UNC13B: variants seen among roughly 807,000 people sequenced by gnomAD.
UNC13B encodes unc-13 homolog B, also known as protein unc-13 homolog B.
In UNC13B, 144 loss-of-function variants were observed where a neutral mutation model predicts 211.0. The observed-to-expected ratio is 0.68, with a 90% CI of 0.60 to 0.78. The LOEUF (loss-of-function observed/expected upper bound fraction) is 0.78. Ranked by LOEUF, UNC13B falls within the 30% of genes least tolerant of loss-of-function variation. The pLI, the probability that UNC13B is intolerant of heterozygous loss-of-function variation, is 0.00. For missense variants in UNC13B, 1,777 were observed against 2,002.0 expected, an observed-to-expected ratio of 0.89 and a Z score of 2.14; for synonymous variants, 709 against 725.8, an observed-to-expected ratio of 0.98 and a Z score of 0.37.
intron 7 of UNC13B, among the ~76,000 whole-genome samples, chr9:35,275,923 A>G (rs1828150225): frequency 6.6e-6 from 1 of 152,160 alleles, no homozygotes; most frequent in Non-Finnish European, 1.5e-5. Flanking sequence ...TACTACAATA[A>G]AATGTCCACA....
rs568402376 is a variant in UNC13B at position 35,298,578 on chromosome 9, C to T, written c.762-1588C>T. On this transcript the variant is annotated intron_variant, in intron 8 of 39. Transcript: ENST00000635942. Reference sequence around the variant, plus strand: ...CAAGTGATCCTCCTGCCTTGGCCTCCGAAAGTGCTTGGATTACAGGTGAGA... The same window carrying T: ...CAAGTGATCCTCCTGCCTTGGCCTCTGAAAGTGCTTGGATTACAGGTGAGA... 9.2e-5 allele frequency among the ~76,000 whole-genome samples: 14 copies of T among 152,252 alleles called. No individual in the cohort carries two copies. The East Asian group carries it at 2.5e-3, about 27-fold the overall frequency.
intron 1 of UNC13B, among the ~76,000 whole-genome samples, chr9:35,218,058 A>G (rs1824357622): frequency 6.6e-6 from 1 of 152,016 alleles, no homozygotes; most frequent in Non-Finnish European, 1.5e-5. Flanking sequence ...AGAAAAAATT[A>G]TAACCTGTAA....
Position 35,392,507 on chromosome 9 carries a change from T to TG in UNC13B, c.11308+1798dup, listed in dbSNP as rs554282999. Among the ~76,000 whole-genome samples the TG allele has an allele frequency of 3.3e-5, 5 of 152,078 alleles. No individual in the cohort carries two copies. The South Asian group carries it at 1.0e-3, about 32-fold the overall frequency. Reference sequence around the variant, plus strand: ...GAGGGCAAGAGAAGGGGAGGAGTTTTGGGGGCCTGGATGATAGGAGAGTGG... The same window carrying TG: ...GAGGGCAAGAGAAGGGGAGGAGTTTTGGGGGGCCTGGATGATAGGAGAGTGG... On this transcript the variant is annotated intron_variant, in intron 26 of 39. Transcript: ENST00000635942.
At position 35,385,799 on chromosome 9, in the gene UNC13B, T is replaced by G; in HGVS notation, c.10951T>G (p.Phe3651Val). 1 of 1,608,372 alleles carries G rather than the reference T, an allele frequency of 6.2e-7. No homozygotes were observed. Among genetic ancestry groups the G allele is most frequent in the Admixed American group, 1.7e-5 (1 of 59,922 alleles). ...STVDLLTSITFFRMKVQELQS... is the reference protein window; with the variant it reads ...STVDLLTSITVFRMKVQELQS... ...AGTGGATTTGCTGACCAGCATTACT[T>G]TCTTCAGAATGAAGGTAAGAAATGG... Residue 3651 changes from phenylalanine to valine, a missense_variant, in exon 23 of 40, where the codon TTC becomes GTC. By Grantham distance (50) the Phe-to-Val change is conservative. Transcript: ENST00000635942.
In UNC13B at chr9:35,397,659, T is replaced by TA; in HGVS notation, c.11702dup (p.Tyr3901Ter). 6.2e-7 allele frequency: 1 copy of TA among 1,614,028 alleles called. No individual in the cohort carries two copies. Among genetic ancestry groups the TA allele is most frequent in the Middle Eastern group, 1.6e-4 (1 of 6,062 alleles). ...AKTIGKVLMQ[Y>*]ADILSKDFPA... Reference sequence around the variant, plus strand: ...GACCATCGGGAAGGTGCTGATGCAGTATGCAGACATCTTGTCAAAGGACTT... The same window carrying TA: ...GACCATCGGGAAGGTGCTGATGCAGTAATGCAGACATCTTGTCAAAGGACTT... The change falls in exon 30 of 40, where the codon TAT (tyrosine) becomes TAAT (stop). Residue 3901 changes from tyrosine to a stop codon, truncating the protein, a stop_gained and frameshift_variant. Coordinates refer to ENST00000635942, the MANE Select transcript of UNC13B (RefSeq NM_001371189.2). LOFTEE classifies it high-confidence loss of function.
chr9:35,238,917 T>C (rs1213563863), intron 5 of UNC13B, among the ~76,000 whole-genome samples: 1 of 151,848 alleles, frequency 6.6e-6, no homozygotes, highest in Non-Finnish European at 1.5e-5. Context: ...TCATTTTTTT[T>C]TTTTTTTGAT....
At position 35,205,976 on chromosome 9, in the gene UNC13B, G is replaced by T. The variant is rs147412758; in HGVS notation, c.23-22039G>T. On this transcript the variant is annotated intron_variant, in intron 1 of 39. Coordinates refer to ENST00000635942, the MANE Select transcript of UNC13B (RefSeq NM_001371189.2). ...AGGTGGATGGATTGCTTGAGCCCAG[G>T]AGTTTGAGACCAGGTTGGGCAACAT... 3.2e-3 allele frequency among the ~76,000 whole-genome samples: 490 copies of T among 152,204 alleles called. 2 individuals are homozygous for T. The highest frequency in any genetic ancestry group is 0.011 in the African/African-American group (466 of 41,516).
At chr9:35,376,341 T>G in intron 15 of UNC13B, 94 bp downstream of exon 15, 1 of 1,247,406 alleles carries the variant, frequency 8.0e-7, no homozygotes, top group Non-Finnish European at 1.1e-6. Flanking sequence ...GAACCAATCA[T>G]TCCCCCAGTC....
At position 35,394,117 on chromosome 9, in the gene UNC13B, G is replaced by A. The variant is rs550762790; in HGVS notation, c.11309-2359G>A. 1.2e-4 allele frequency among the ~76,000 whole-genome samples: 18 copies of A among 152,238 alleles called. 1 individual carries two copies. In the South Asian group the frequency reaches 3.7e-3, roughly 32 times the overall value. On this transcript the variant is annotated intron_variant, in intron 26 of 39. Coordinates refer to ENST00000635942, the MANE Select transcript of UNC13B (RefSeq NM_001371189.2). ...ATAGATTCCAGAGACATTTGGAGGT[G>A]AAATCAGGGGCTGGCGATTTAACTG...
At chr9:35,252,351 T>C (rs1355556769) in intron 6 of UNC13B, among the ~76,000 whole-genome samples, 1 of 152,126 alleles carries the variant, frequency 6.6e-6, no homozygotes, top group Non-Finnish European at 1.5e-5. Flanking sequence ...TTATTTTTAT[T>C]TGAGACAGTC....
chr9:35,205,498 G>T (rs1442199737), intron 1 of UNC13B, among the ~76,000 whole-genome samples: 3 of 152,130 alleles, frequency 2.0e-5, no homozygotes, highest in Non-Finnish European at 4.4e-5. Flanking sequence ...TATTATCACT[G>T]TAAGAAAGAA....
At chr9:35,339,442 T>C (rs918288912) in intron 11 of UNC13B, among the ~76,000 whole-genome samples, 14 of 152,222 alleles carry the variant, frequency 9.2e-5, no homozygotes, top group African/African-American at 2.9e-4. Context: ...GCTAGTCCAC[T>C]GAGGAGTCCT....
intron 3 of UNC13B, among the ~76,000 whole-genome samples, chr9:35,234,980 A>G (rs1368670337): frequency 2.0e-5 from 3 of 152,174 alleles, no homozygotes; most frequent in Non-Finnish European, 4.4e-5. Context: ...CTCTGCTGGA[A>G]TTGGTCTTTT....
intron 8 of UNC13B, among the ~76,000 whole-genome samples, chr9:35,298,694 T>G (rs1031671629): frequency 6.6e-6 from 1 of 152,204 alleles, no homozygotes; most frequent in African/African-American, 2.4e-5. Context: ...TTTTGGATGT[T>G]ATATCTATAA....
At chr9:35,381,773 T>C (rs1011141518) in intron 20 of UNC13B, 54 bp downstream of exon 20, 44 of 1,592,232 alleles carry the variant, frequency 2.8e-5, no homozygotes, top group Non-Finnish European at 3.3e-5. Context: ...GGGTGGCTAA[T>C]TAAGGCACAC....
rs1351522091 is a variant in UNC13B, at chr9:35,381,189, C to T, written c.10465C>T (p.His3489Tyr). Residue 3489 changes from histidine (H) to tyrosine (Y), a missense_variant, in exon 19 of 40, where the codon CAC becomes TAC. Transcript: ENST00000635942. ...IKGEEKVAPY[H>Y]VQYTCLHENL... Reference sequence around the variant, plus strand: ...GGGGGAGGAGAAAGTAGCCCCATACCACGTGCAGTATACATGTCTCCATGA... The same window carrying T: ...GGGGGAGGAGAAAGTAGCCCCATACTACGTGCAGTATACATGTCTCCATGA... 2 of 1,614,016 alleles carry T rather than the reference C, an allele frequency of 1.2e-6. No individual in the cohort carries two copies. Among genetic ancestry groups the T allele is most frequent in the African/African-American group, 1.3e-5 (1 of 75,032 alleles).
At chr9:35,359,461 T>C (rs1008900935) in intron 11 of UNC13B, among the ~76,000 whole-genome samples, 4 of 152,206 alleles carry the variant, frequency 2.6e-5, no homozygotes, top group African/African-American at 9.6e-5. Flanking sequence ...ACATCTTCCA[T>C]GAACACCAGA....
rs528654537 is a variant in UNC13B at position 35,301,650 on chromosome 9, A to G, written c.2246A>G (p.Glu749Gly). ...GTTAGTTCTGCAAGTAAAAATGATG[A>G]GAGTCTATTGGAAGAAAAACTCTGT... is the stretch of plus-strand genomic sequence containing the variant. The part of the protein sequence containing the change: ...NLVSSASKND[E>G]SLLEEKLCID... The change falls in exon 9 of 40, where the codon GAG becomes GGG. Residue 749 changes from glutamate (E) to glycine (G), a missense_variant. Coordinates refer to ENST00000635942, the MANE Select transcript of UNC13B (RefSeq NM_001371189.2). 2.5e-6 allele frequency: 1 copy of G among 398,866 alleles called. No homozygotes were observed. The highest frequency in any genetic ancestry group is 1.3e-4 in the South Asian group (1 of 7,858). 24.7% of individuals were successfully genotyped at this position (398,866 alleles called of 1,614,324 possible).
chr9:35,184,567 G>T (rs1822226758), intron 1 of UNC13B, among the ~76,000 whole-genome samples: 2 of 152,136 alleles, frequency 1.3e-5, no homozygotes, highest in Non-Finnish European at 2.9e-5. Context: ...AACCAGTCAG[G>T]CGTGGCAGCG....
Sources: gnomAD v4.1 joint callset for allele counts (sites outside exome capture counted in the v4.1 genomes callset) on GRCh38, gnomAD v4.1.1 for gene constraint, MANE v1.5 for transcripts, NCBI Gene and HGNC (gene_info 2026-07-23, HGNC 2026-07-21) for gene names.